Variants in TYW1 observed in about 807,000 individuals in gnomAD.
TYW1 encodes S-adenosyl-L-methionine-dependent tRNA 4-demethylwyosine synthase TYW1.
TYW1 carries 46 observed loss-of-function variants against 96.2 expected under a neutral mutation model. That is an observed-to-expected ratio of 0.48 (90% confidence interval 0.38 to 0.61). The LOEUF (loss-of-function observed/expected upper bound fraction) is 0.61. Among genes scored for constraint, TYW1 ranks in the 20% least tolerant of loss-of-function variants. The probability of loss-of-function intolerance (pLI) is 0.00; values close to 1 mark genes in which losing one functional copy is unlikely to be tolerated. For missense variants in TYW1, 684 were observed against 909.6 expected (o/e 0.75, Z 3.19); for synonymous variants, 274 against 323.0 (o/e 0.85, Z 1.63).
rs569245754 is a variant in TYW1, at chr7:67,014,625, G to A, written c.570+64G>A. On this transcript the variant is annotated intron_variant, in intron 5 of 15. Transcript: ENST00000359626. The stretch of plus-strand genomic sequence containing the variant: ...TAAACACACACACACGCACACACAC[G>A]TAAACACACACACGTGCACACACGC... 5.1e-5 allele frequency: 78 copies of A among 1,543,056 alleles called. No homozygotes were observed. The African/African-American group carries it at 7.9e-4, about 16-fold the overall frequency.
chr7:67,068,226 T>C (rs1158735141), intron 10 of TYW1, among the ~76,000 whole-genome samples: 4 of 152,318 alleles, frequency 2.6e-5, no homozygotes, highest in Middle Eastern at 3.4e-3. Flanking sequence ...TTCACCATGT[T>C]GGCCAGGCTG....
At chr7:67,100,423 A>G (rs1244965388) in intron 12 of TYW1, among the ~76,000 whole-genome samples, 1 of 151,192 alleles carries the variant, frequency 6.6e-6, no homozygotes, top group African/African-American at 2.4e-5. Context: ...ATCTCGGTGC[A>G]TTTTTTGCCT....
chr7:67,018,439 G>A (rs973321598), intron 6 of TYW1, among the ~76,000 whole-genome samples: 1 of 151,986 alleles, frequency 6.6e-6, no homozygotes, highest in Non-Finnish European at 1.5e-5. Flanking sequence ...TACGTAGGAG[G>A]TGGAGTTGGG....
intron 11 of TYW1, among the ~76,000 whole-genome samples, chr7:67,085,552 CCT>C (rs750922205): frequency 1.3e-5 from 2 of 152,134 alleles, no homozygotes; most frequent in Non-Finnish European, 2.9e-5. Flanking sequence ...TATAAATTAC[CCT>C]GTCTCCGGCA....
chr7:67,003,067 G>A (rs1215592546), intron 3 of TYW1, among the ~76,000 whole-genome samples: 3 of 151,920 alleles, frequency 2.0e-5, no homozygotes, highest in African/African-American at 7.2e-5. Context: ...CACGCGCCTG[G>A]CCCTAAATTT....
intron 8 of TYW1, among the ~76,000 whole-genome samples, 175 bp downstream of exon 8, chr7:67,050,241 G>C (rs1429839653): frequency 6.6e-6 from 1 of 152,196 alleles, no homozygotes; most frequent in African/African-American, 2.4e-5. Flanking sequence ...GCCTGCACCA[G>C]TGAGTTACCT....
intron 12 of TYW1, among the ~76,000 whole-genome samples, chr7:67,100,624 A>G (rs1019321276): frequency 6.6e-6 from 1 of 152,136 alleles, no homozygotes; most frequent in African/African-American, 2.4e-5. Flanking sequence ...AGACGGGTGG[A>G]TCACGAGGTC....
intron 13 of TYW1, among the ~76,000 whole-genome samples, chr7:67,180,425 A>ATTATT (rs1799804652): frequency 1.0e-4 from 7 of 68,632 alleles, no homozygotes; most frequent in Non-Finnish European, 2.1e-4. Flanking sequence ...TATATATATA[A>ATTATT]TTTTTTTTTT....
chr7:66,996,863 C>G lies in TYW1; in HGVS notation c.-116C>G. The stretch of plus-strand genomic sequence containing the variant: ...AGTGTCATGGCTGCCCACAGGTCTG[C>G]AGGCACTCGGTACGCCGCTAACGCG... On this transcript the variant is annotated 5_prime_UTR_variant, in exon 1 of 16. Coordinates refer to ENST00000359626, the MANE Select transcript of TYW1 (RefSeq NM_018264.4). 3 of 1,555,868 alleles carry G rather than the reference C, an allele frequency of 1.9e-6. No individual in the cohort carries two copies. The highest frequency in any genetic ancestry group is 2.6e-6 in the Non-Finnish European group (3 of 1,141,540).
intron 14 of TYW1, among the ~76,000 whole-genome samples, chr7:67,190,019 G>T (rs984922503): frequency 1.6e-4 from 24 of 151,820 alleles, no homozygotes; most frequent in African/African-American, 5.6e-4. Context: ...CTGTCTGTGT[G>T]TTCTCTGCCT....
At chr7:67,101,041 G>A (rs1485806386) in intron 12 of TYW1, among the ~76,000 whole-genome samples, 1 of 152,098 alleles carries the variant, frequency 6.6e-6, no homozygotes, top group Admixed American at 6.6e-5. Flanking sequence ...TACTGCTTCT[G>A]TGTCTCTTTG....
intron 9 of TYW1, among the ~76,000 whole-genome samples, chr7:67,060,085 T>C (rs1432807800): frequency 1.4e-5 from 1 of 71,340 alleles, no homozygotes; most frequent in Non-Finnish European, 2.8e-5. Flanking sequence ...GTAGTTATGT[T>C]TTTTTTTTGA....
At chr7:67,031,086 G>A (rs1480283160) in intron 7 of TYW1, among the ~76,000 whole-genome samples, 71 of 132,436 alleles carry the variant, frequency 5.4e-4, no homozygotes, top group African/African-American at 1.9e-3. Context: ...CCAGCTACTC[G>A]GGAGGCTGAG....
At chr7:67,102,967 A>C (rs1246367125) in intron 12 of TYW1, among the ~76,000 whole-genome samples, 2 of 152,230 alleles carry the variant, frequency 1.3e-5, no homozygotes, top group Non-Finnish European at 2.9e-5. Context: ...GGATTTTTAA[A>C]GCATCCTTGA....
chr7:67,001,221 T>C (rs1192405928), intron 3 of TYW1, among the ~76,000 whole-genome samples: 2 of 152,146 alleles, frequency 1.3e-5, no homozygotes, highest in Non-Finnish European at 2.9e-5. Context: ...CTGATGCTTA[T>C]GCTGTGTTTC....
chr7:67,038,158 C>A lies in TYW1; in HGVS notation c.985-11791C>A, dbSNP rs545320570. Among the ~76,000 whole-genome samples the A allele has an allele frequency of 7.9e-5, 12 of 151,980 alleles. No homozygotes were observed. In the South Asian group the frequency reaches 2.5e-3, roughly 32 times the overall value. On this transcript the variant is annotated intron_variant, in intron 7 of 15. Transcript: ENST00000359626. ...TCTACTAAAAAAATATAAAAATTAG[C>A]CTGGCGTGGTGGCAGATGCATGTAG...
chr7:67,165,372 A>G (rs370121066), intron 13 of TYW1, among the ~76,000 whole-genome samples: 1 of 152,036 alleles, frequency 6.6e-6, no homozygotes, highest in East Asian at 1.9e-4. Flanking sequence ...AAAGCTGCCT[A>G]ATTAGAAGCA....
chr7:67,029,382 CGT>C (rs67162571), intron 7 of TYW1, among the ~76,000 whole-genome samples: 2,486 of 106,670 alleles, frequency 0.023, 93 homozygotes, highest in Middle Eastern at 0.043. Context: ...TGTGTGTGTG[CGT>C]GTGTGTGTGT....
chr7:67,182,532 C>G (rs1004921540), intron 13 of TYW1, among the ~76,000 whole-genome samples: 1 of 138,112 alleles, frequency 7.2e-6, no homozygotes, highest in African/African-American at 2.9e-5. Flanking sequence ...CCACTGCACT[C>G]CAGCCTGGAG....
Sources: allele counts gnomAD v4.1 joint callset (sites outside exome capture counted in the v4.1 genomes callset), GRCh38; gene constraint gnomAD v4.1.1; transcripts MANE v1.5; gene names NCBI Gene and HGNC (gene_info 2026-07-23, HGNC 2026-07-21).